The following IMMP2L variants were observed in gnomAD, a reference collection of about 807,000 sequenced individuals.
The protein encoded by IMMP2L is inner mitochondrial membrane peptidase subunit 2.
A neutral mutation model predicts 19.3 loss-of-function variants in IMMP2L; 18 were observed. The ratio of observed to expected loss-of-function variants is 0.93; its 90% CI spans 0.64 to 1.38. IMMP2L has a LOEUF of 1.38. Ranked by LOEUF, IMMP2L falls within the 40% of genes most tolerant of loss-of-function variation. The pLI is 0.00. For missense variants in IMMP2L, 233 were observed against 218.2 expected (o/e 1.07, Z -0.43); for synonymous variants, 76 against 73.0 (o/e 1.04, Z -0.21).
At chr7:111,145,306 A>G (rs565728035) in intron 3 of IMMP2L, among the ~76,000 whole-genome samples, 30 of 152,264 alleles carry the variant, frequency 2.0e-4, no homozygotes, top group African/African-American at 7.0e-4. Flanking sequence ...CCATGGCTGG[A>G]GGACAGAAGC....
At chr7:111,077,955 T>C (rs1795557145) in intron 3 of IMMP2L, among the ~76,000 whole-genome samples, 2 of 152,366 alleles carry the variant, frequency 1.3e-5, no homozygotes, top group South Asian at 4.1e-4. Context: ...AACATTCATG[T>C]CTGTGCTCAA....
At chr7:111,185,460 G>C (rs577384026) in intron 3 of IMMP2L, among the ~76,000 whole-genome samples, 1 of 152,210 alleles carries the variant, frequency 6.6e-6, no homozygotes, top group Non-Finnish European at 1.5e-5. Context: ...GATGTCAGGA[G>C]GCATGAGGAC....
At chr7:111,439,199 C>A (rs769639967) in intron 3 of IMMP2L, among the ~76,000 whole-genome samples, 1 of 151,868 alleles carries the variant, frequency 6.6e-6, no homozygotes, top group African/African-American at 2.4e-5. Context: ...ATCTACTCCA[C>A]GGCTAATCCC....
intron 3 of IMMP2L, among the ~76,000 whole-genome samples, chr7:111,007,448 T>C (rs1305323220): frequency 6.6e-6 from 1 of 152,124 alleles, no homozygotes; most frequent in Non-Finnish European, 1.5e-5. Flanking sequence ...TGCATGTCAC[T>C]GGACTTTGGA....
rs1840252222 is a variant in IMMP2L, at chr7:111,462,753, T to G, written c.239+24485A>C. 1.3e-5 allele frequency among the ~76,000 whole-genome samples: 2 copies of G among 152,102 alleles called. 1 individual carries two copies. The highest frequency in any genetic ancestry group is 4.1e-4 in the South Asian group (2 of 4,826). On this transcript the variant is annotated intron_variant, in intron 3 of 5. Coordinates refer to ENST00000405709, the MANE Select transcript of IMMP2L (RefSeq NM_032549.4). Reference sequence around the variant, plus strand: ...TAAGAATTCTAATACAGTTCGTCTATAGGGCCCTAGCTCTGCCCCTGCCAT... The same window carrying G: ...TAAGAATTCTAATACAGTTCGTCTAGAGGGCCCTAGCTCTGCCCCTGCCAT...
At chr7:111,157,439 C>T in intron 3 of IMMP2L, among the ~76,000 whole-genome samples, 1 of 152,014 alleles carries the variant, frequency 6.6e-6, no homozygotes. Flanking sequence ...ATGGATGGTT[C>T]TGGAGGTCAT....
chr7:110,960,133 T>C lies in IMMP2L; in HGVS notation c.305+3367A>G, dbSNP rs145296635. Reference sequence around the variant, plus strand: ...CCTAATCCTGTTAGATTGCTTTATGTAGATGAAATTTTTGCCTGCTTTGGT... The same window carrying C: ...CCTAATCCTGTTAGATTGCTTTATGCAGATGAAATTTTTGCCTGCTTTGGT... On this transcript the variant is annotated intron_variant, in intron 4 of 5. Coordinates refer to ENST00000405709, the MANE Select transcript of IMMP2L (RefSeq NM_032549.4). Among the ~76,000 whole-genome samples the C allele has an allele frequency of 5.9e-3, 890 of 152,098 alleles. 7 individuals carry two copies. Among genetic ancestry groups the C allele is most frequent in the African/African-American group, 0.02 (851 of 41,556 alleles).
intron 3 of IMMP2L, among the ~76,000 whole-genome samples, chr7:111,382,898 T>C (rs935805251): frequency 2.6e-5 from 4 of 152,122 alleles, no homozygotes; most frequent in African/African-American, 9.7e-5. Flanking sequence ...TAACAGTAGC[T>C]GCAAATGTGG....
At chr7:111,498,048 G>GCATCTCATTCCCAAC (rs1843759964) in intron 2 of IMMP2L, among the ~76,000 whole-genome samples, 1 of 151,832 alleles carries the variant, frequency 6.6e-6, no homozygotes, top group Non-Finnish European at 1.5e-5. Context: ...TGTTTTTGAA[G>GCATCTCATTCCCAAC]GGGAAAGCAT....
At chr7:111,253,248 T>C (rs1194985555) in intron 3 of IMMP2L, among the ~76,000 whole-genome samples, 2 of 152,140 alleles carry the variant, frequency 1.3e-5, no homozygotes, top group Non-Finnish European at 2.9e-5. Context: ...ATTATATCAA[T>C]GATGAACACA....
intron 2 of IMMP2L, among the ~76,000 whole-genome samples, chr7:111,497,150 T>C (rs962627256): frequency 6.6e-6 from 1 of 152,136 alleles, no homozygotes; most frequent in African/African-American, 2.4e-5. Flanking sequence ...CATCAAAGTG[T>C]CACAGGCACG....
intron 3 of IMMP2L, among the ~76,000 whole-genome samples, chr7:111,083,443 G>A (rs1796050558): frequency 6.6e-6 from 1 of 152,118 alleles, no homozygotes. Context: ...CTTCTACCAT[G>A]AATATTTTTT....
chr7:111,530,604 A>T (rs1190889740), intron 1 of IMMP2L, among the ~76,000 whole-genome samples: 13 of 152,130 alleles, frequency 8.5e-5, no homozygotes, highest in African/African-American at 3.1e-4. Context: ...GAATTGGACC[A>T]CAGGGATAGA....
At chr7:111,356,021 G>A (rs953446016) in intron 3 of IMMP2L, among the ~76,000 whole-genome samples, 1 of 151,832 alleles carries the variant, frequency 6.6e-6, no homozygotes. Flanking sequence ...CACATAGGCA[G>A]AATTTAGAAA....
chr7:111,549,347 C>T (rs1168651637), intron 1 of IMMP2L, among the ~76,000 whole-genome samples: 1 of 152,100 alleles, frequency 6.6e-6, no homozygotes, highest in African/African-American at 2.4e-5. Context: ...TCTCTGCTTT[C>T]CCAGAAGGAA....
At chr7:111,514,110 T>G (rs760515292) in intron 2 of IMMP2L, among the ~76,000 whole-genome samples, 3 of 152,086 alleles carry the variant, frequency 2.0e-5, no homozygotes, top group Admixed American at 6.6e-5. Flanking sequence ...GGAAGTCTAA[T>G]GTACAGCAAG....
At chr7:110,851,022 CAA>C (rs1216159866) in intron 5 of IMMP2L, among the ~76,000 whole-genome samples, 1 of 151,852 alleles carries the variant, frequency 6.6e-6, no homozygotes, top group Non-Finnish European at 1.5e-5. Context: ...ACTAGGAAAA[CAA>C]AAAGACTTAT....
intron 3 of IMMP2L, among the ~76,000 whole-genome samples, chr7:111,291,838 T>C (rs1433315878): frequency 6.6e-6 from 1 of 152,156 alleles, no homozygotes; most frequent in Non-Finnish European, 1.5e-5. Context: ...TGTAAACATG[T>C]ATCAAAACAT....
chr7:110,999,632 C>T (rs1017969477), intron 3 of IMMP2L, among the ~76,000 whole-genome samples: 6 of 149,318 alleles, frequency 4.0e-5, no homozygotes, highest in Non-Finnish European at 5.9e-5. Flanking sequence ...AACCAAGATA[C>T]GTATGTTCTC....
Sources: gnomAD v4.1 joint callset for allele counts (sites outside exome capture counted in the v4.1 genomes callset) on GRCh38, gnomAD v4.1.1 for gene constraint, MANE v1.5 for transcripts, NCBI Gene and HGNC (gene_info 2026-07-23, HGNC 2026-07-21) for gene names.